Variants in DCC observed in about 807,000 individuals in gnomAD.
DCC encodes netrin receptor DCC.
Under a neutral mutation model 172.5 loss-of-function variants are expected in DCC, and 58 were observed. That is an observed-to-expected ratio of 0.34 (90% CI 0.27 to 0.42). DCC has a LOEUF of 0.42. Ranked by LOEUF, DCC falls within the 10% of genes least tolerant of loss-of-function variation. DCC has a pLI of 1.00. For synonymous variants in DCC, 709 were observed against 644.5 expected (o/e 1.10, Z -1.52); for missense variants, 1,740 against 1,791.0 (o/e 0.97, Z 0.51).
chr18:53,175,244 A>G (rs369819619), intron 8 of DCC, among the ~76,000 whole-genome samples: 24 of 151,884 alleles, frequency 1.6e-4, no homozygotes, highest in Admixed American at 8.5e-4. Flanking sequence ...AAAACTGGAA[A>G]CATTCCCTTT....
intron 2 of DCC, among the ~76,000 whole-genome samples, chr18:52,895,964 T>A (rs899138685): frequency 5.9e-5 from 9 of 152,138 alleles, no homozygotes; most frequent in African/African-American, 1.9e-4. Flanking sequence ...TTTGTACTTT[T>A]AGTTGAGTCG....
chr18:53,248,745 G>C (rs971692302), intron 12 of DCC, among the ~76,000 whole-genome samples: 3 of 151,964 alleles, frequency 2.0e-5, no homozygotes, highest in African/African-American at 7.2e-5. Context: ...AAAATCTCTA[G>C]CCAGAGAAAT....
chr18:52,547,645 A>G (rs2032654290), intron 1 of DCC, among the ~76,000 whole-genome samples: 2 of 152,140 alleles, frequency 1.3e-5, no homozygotes, highest in Admixed American at 6.6e-5. Context: ...ATAAGGCTTT[A>G]TAGGGAAAAT....
Position 53,147,380 on chromosome 18 carries a change from A to G in DCC, c.1262-9976A>G, listed in dbSNP as rs144864088. Among the ~76,000 whole-genome samples the G allele has an allele frequency of 8.5e-5, 13 of 152,308 alleles. No homozygotes were observed. In the East Asian group the frequency reaches 2.5e-3, roughly 29 times the overall value. ...AAAACAAAAAGGAATCTAAGGAAAC[A>G]TGCTTCGTATACATATTATGCCCCC... On this transcript the variant is annotated intron_variant, in intron 7 of 28. Transcript: ENST00000442544.
intron 12 of DCC, among the ~76,000 whole-genome samples, chr18:53,228,852 C>T (rs1187732735): frequency 1.3e-5 from 2 of 152,120 alleles, no homozygotes. Flanking sequence ...CTAACACACA[C>T]TCTTCTAGTG....
chr18:53,314,711 C>T (rs895804380), intron 13 of DCC, among the ~76,000 whole-genome samples: 2 of 152,080 alleles, frequency 1.3e-5, no homozygotes, highest in African/African-American at 4.8e-5. Flanking sequence ...TTCCACAGCC[C>T]AGCAAAGTTG....
intron 1 of DCC, among the ~76,000 whole-genome samples, chr18:52,613,414 C>A (rs2034313309): frequency 6.6e-6 from 1 of 152,028 alleles, no homozygotes; most frequent in Admixed American, 6.6e-5. Context: ...CGCCACCACG[C>A]CCGGCTAATT....
intron 1 of DCC, among the ~76,000 whole-genome samples, chr18:52,506,698 C>T (rs2031241526): frequency 6.6e-6 from 1 of 152,066 alleles, no homozygotes; most frequent in Non-Finnish European, 1.5e-5. Context: ...GAAATAGTGT[C>T]TTTCTACCAA....
At chr18:53,030,986 G>C (rs1423578085) in intron 5 of DCC, among the ~76,000 whole-genome samples, 2 of 152,050 alleles carry the variant, frequency 1.3e-5, no homozygotes, top group African/African-American at 4.8e-5. Context: ...TGGCTGGGTG[G>C]GGTGGCTCAC....
chr18:53,285,811 A>G (rs967810348), intron 12 of DCC, among the ~76,000 whole-genome samples: 14 of 152,348 alleles, frequency 9.2e-5, no homozygotes, highest in Non-Finnish European at 1.9e-4. Flanking sequence ...TAGAGCTGCC[A>G]AATACCATGG....
In DCC at chr18:53,416,109, C is replaced by G; in HGVS notation, c.3131-15C>G. The G allele has an allele frequency of 6.2e-7, 1 of 1,600,704 alleles. No homozygotes were observed. Among genetic ancestry groups the G allele is most frequent in the Non-Finnish European group, 8.6e-7 (1 of 1,168,004 alleles). ...CTGTCAAAGTCTAATAATGTTATTT[C>G]TTTTTCCCCCGCAGTGGAACACCCT... is the stretch of plus-strand genomic sequence containing the variant. On this transcript the variant is annotated splice_polypyrimidine_tract_variant and intron_variant, in intron 20 of 28. Transcript: ENST00000442544.
chr18:52,886,302 G>T (rs2039568259), intron 2 of DCC, among the ~76,000 whole-genome samples: 1 of 152,142 alleles, frequency 6.6e-6, no homozygotes, highest in African/African-American at 2.4e-5. Flanking sequence ...TTTGGACCAT[G>T]GTGGCAAGGC....
intron 1 of DCC, among the ~76,000 whole-genome samples, chr18:52,374,186 T>G (rs1985249303): frequency 6.6e-6 from 1 of 152,038 alleles, no homozygotes; most frequent in African/African-American, 2.4e-5. Flanking sequence ...GCCACCATGC[T>G]GGGCCTATAT....
At chr18:53,515,223 G>A (rs2046318878) in intron 27 of DCC, among the ~76,000 whole-genome samples, 1 of 152,008 alleles carries the variant, frequency 6.6e-6, no homozygotes, top group African/African-American at 2.4e-5. Flanking sequence ...AATAGATGCA[G>A]AAAAAGCCTT....
intron 9 of DCC, among the ~76,000 whole-genome samples, chr18:53,182,681 G>A (rs2055214863): frequency 6.6e-6 from 1 of 152,134 alleles, no homozygotes; most frequent in African/African-American, 2.4e-5. Context: ...TTGGCAATTT[G>A]AAAGTATTTC....
chr18:53,259,498 G>T (rs1348223204), intron 12 of DCC, among the ~76,000 whole-genome samples: 1 of 152,092 alleles, frequency 6.6e-6, no homozygotes, highest in Non-Finnish European at 1.5e-5. Flanking sequence ...ATGAAATTCT[G>T]GGTTGAAAAT....
chr18:52,766,947 G>A (rs1029421867), intron 2 of DCC, among the ~76,000 whole-genome samples: 1 of 151,706 alleles, frequency 6.6e-6, no homozygotes, highest in Non-Finnish European at 1.5e-5. Context: ...AGAAAATCAG[G>A]GTAGTATTAA....
chr18:52,496,596 C>T (rs147513145), intron 1 of DCC, among the ~76,000 whole-genome samples: 1 of 152,166 alleles, frequency 6.6e-6, no homozygotes, highest in East Asian at 1.9e-4. Flanking sequence ...TCAGTAGCTC[C>T]TGGGGTAGTA....
intron 1 of DCC, among the ~76,000 whole-genome samples, chr18:52,741,916 T>C (rs1423669218): frequency 6.6e-6 from 1 of 152,096 alleles, no homozygotes; most frequent in Non-Finnish European, 1.5e-5. Flanking sequence ...TGTTATAGTA[T>C]TAAGAGGTGG....
Sources: allele counts gnomAD v4.1 joint callset (sites outside exome capture counted in the v4.1 genomes callset), GRCh38; gene constraint gnomAD v4.1.1; transcripts MANE v1.5; gene names NCBI Gene and HGNC (gene_info 2026-07-23, HGNC 2026-07-21).